Variants in CHCHD6 observed in about 807,000 individuals in gnomAD.
CHCHD6 encodes MICOS complex subunit MIC25.
In CHCHD6, 28 loss-of-function variants were observed where a neutral mutation model predicts 32.3. The observed-to-expected ratio is 0.87, with a 90% CI of 0.64 to 1.19. CHCHD6 has a LOEUF of 1.19. CHCHD6 is among the 50% of genes most tolerant of loss of function. CHCHD6 has a pLI of 0.00. For missense variants in CHCHD6, 333 were observed against 307.0 expected, an observed-to-expected ratio of 1.08 and a Z score of -0.63; for synonymous variants, 122 against 117.5, an observed-to-expected ratio of 1.04 and a Z score of -0.25.
chr3:126,774,394 T>G (rs1431428301), intron 4 of CHCHD6, among the ~76,000 whole-genome samples: 1 of 152,192 alleles, frequency 6.6e-6, no homozygotes, highest in African/African-American at 2.4e-5. Context: ...TCATCATATT[T>G]CCCTCAGAAG....
At chr3:126,786,574 G>A (rs1294580029) in intron 4 of CHCHD6, among the ~76,000 whole-genome samples, 22 of 152,002 alleles carry the variant, frequency 1.4e-4, no homozygotes, top group Non-Finnish European at 3.2e-4. Context: ...TTCTCTGATG[G>A]CCAGTGATGA....
intron 4 of CHCHD6, among the ~76,000 whole-genome samples, chr3:126,766,279 A>G (rs776218810): frequency 3.9e-5 from 6 of 152,164 alleles, no homozygotes; most frequent in Admixed American, 6.5e-5. Flanking sequence ...TAAATATTGG[A>G]TCACTTGTAA....
chr3:126,796,486 T>A (rs747206026), intron 4 of CHCHD6, among the ~76,000 whole-genome samples: 4 of 152,194 alleles, frequency 2.6e-5, no homozygotes, highest in Non-Finnish European at 5.9e-5. Flanking sequence ...TTTTGTCATC[T>A]TCTTGGGGAA....
chr3:126,870,142 C>T (rs2077445381), intron 5 of CHCHD6, among the ~76,000 whole-genome samples: 1 of 152,184 alleles, frequency 6.6e-6, no homozygotes, highest in African/African-American at 2.4e-5. Flanking sequence ...ATGGACCTTA[C>T]TGGAGTGTTG....
intron 5 of CHCHD6, among the ~76,000 whole-genome samples, chr3:126,882,592 C>T (rs900012048): frequency 2.6e-5 from 4 of 152,140 alleles, no homozygotes; most frequent in Non-Finnish European, 5.9e-5. Context: ...ATCGCCAGGC[C>T]CTATATTAGG....
chr3:126,869,545 A>G (rs1464886848), intron 5 of CHCHD6, among the ~76,000 whole-genome samples: 1 of 152,082 alleles, frequency 6.6e-6, no homozygotes, highest in Admixed American at 6.5e-5. Flanking sequence ...GCATCTTTTC[A>G]TAAGTTTATT....
chr3:126,806,366 C>A lies in CHCHD6; in HGVS notation c.412-46281C>A, dbSNP rs984392185. ...AAACAAATTTACAAGAAAAAAACAA[C>A]CCCATCAAAAAGTGGGCAAAGGATA... On this transcript the variant is annotated intron_variant, in intron 4 of 7. Coordinates refer to ENST00000290913, the MANE Select transcript of CHCHD6 (RefSeq NM_032343.3). Among the ~76,000 whole-genome samples the A allele has an allele frequency of 2.4e-4, 37 of 151,804 alleles. 2 individuals carry two copies. Among genetic ancestry groups the A allele is most frequent in the Non-Finnish European group, 7.4e-5 (5 of 67,864 alleles).
chr3:126,753,417 G>T (rs563850106), intron 4 of CHCHD6, among the ~76,000 whole-genome samples: 1 of 152,326 alleles, frequency 6.6e-6, no homozygotes, highest in East Asian at 1.9e-4. Flanking sequence ...GCTGGGTGCA[G>T]ATCATTCCAA....
intron 4 of CHCHD6, among the ~76,000 whole-genome samples, chr3:126,785,721 A>G (rs933636658): frequency 6.6e-6 from 1 of 152,108 alleles, no homozygotes; most frequent in African/African-American, 2.4e-5. Context: ...ATCATTGCAG[A>G]CTCTATCCAT....
chr3:126,841,565 A>G (rs1231010331), intron 4 of CHCHD6, among the ~76,000 whole-genome samples: 3 of 152,088 alleles, frequency 2.0e-5, no homozygotes, highest in Non-Finnish European at 1.5e-5. Context: ...CACTATAACC[A>G]TCATTTATCT....
chr3:126,864,061 T>C (rs1264276247), intron 5 of CHCHD6, among the ~76,000 whole-genome samples: 1 of 132,048 alleles, frequency 7.6e-6, no homozygotes, highest in East Asian at 2.6e-4. Context: ...TACCATCACC[T>C]CCTCTTCCCC....
chr3:126,915,916 G>A (rs1178146264), intron 6 of CHCHD6, among the ~76,000 whole-genome samples: 6 of 152,162 alleles, frequency 3.9e-5, no homozygotes, highest in African/African-American at 7.2e-5. Context: ...TCAGACTCCC[G>A]AGTAACTGAG....
intron 4 of CHCHD6, among the ~76,000 whole-genome samples, chr3:126,742,843 G>C (rs1194911124): frequency 6.6e-6 from 1 of 152,190 alleles, no homozygotes; most frequent in Non-Finnish European, 1.5e-5. Context: ...CCCAGTTTCA[G>C]ATCCTCTGTT....
chr3:126,728,694 C>T (rs1359490880), intron 2 of CHCHD6, among the ~76,000 whole-genome samples: 2 of 152,134 alleles, frequency 1.3e-5, no homozygotes, highest in Admixed American at 6.5e-5. Flanking sequence ...ATGATAAAAG[C>T]GAAAATTGCC....
intron 4 of CHCHD6, among the ~76,000 whole-genome samples, chr3:126,794,627 A>G (rs746750070): frequency 6.6e-6 from 1 of 151,972 alleles, no homozygotes; most frequent in Non-Finnish European, 1.5e-5. Context: ...AATGTCTTTC[A>G]TTTTCCAGCT....
intron 5 of CHCHD6, among the ~76,000 whole-genome samples, chr3:126,904,491 GGCTATT>G (rs1486757108): frequency 6.6e-6 from 1 of 152,182 alleles, no homozygotes; most frequent in Non-Finnish European, 1.5e-5. Flanking sequence ...AAGCCTGTGC[GGCTATT>G]GCTAATTAAC....
chr3:126,911,358 C>T (rs1320649137), intron 5 of CHCHD6, among the ~76,000 whole-genome samples: 2 of 152,176 alleles, frequency 1.3e-5, no homozygotes, highest in African/African-American at 4.8e-5. Flanking sequence ...AGTGCCCTGC[C>T]CTTCCCAGGA....
intron 5 of CHCHD6, among the ~76,000 whole-genome samples, chr3:126,859,328 A>G (rs925433861): frequency 1.3e-5 from 2 of 152,142 alleles, no homozygotes; most frequent in African/African-American, 4.8e-5. Flanking sequence ...GGCCCCAGCC[A>G]GGTGCTATGT....
intron 4 of CHCHD6, among the ~76,000 whole-genome samples, chr3:126,799,119 A>T (rs1425996965): frequency 6.6e-6 from 1 of 152,156 alleles, no homozygotes; most frequent in Non-Finnish European, 1.5e-5. Flanking sequence ...CCTGGAGCAC[A>T]GCTTCCTTAA....
Sources: gnomAD v4.1 joint callset for allele counts (sites outside exome capture counted in the v4.1 genomes callset) on GRCh38, gnomAD v4.1.1 for gene constraint, MANE v1.5 for transcripts, NCBI Gene and HGNC (gene_info 2026-07-23, HGNC 2026-07-21) for gene names.